CCDC88C: variants seen among roughly 807,000 people sequenced by gnomAD.
The protein encoded by CCDC88C is protein Daple.
Under a neutral mutation model 198.8 loss-of-function variants are expected in CCDC88C, and 131 were observed. The observed-to-expected ratio is 0.66, with a 90% CI of 0.57 to 0.76. The LOEUF (loss-of-function observed/expected upper bound fraction) is 0.76, where lower values mean the gene tolerates loss of function less well. Among genes scored for constraint, CCDC88C ranks in the 30% least tolerant of loss-of-function variants. CCDC88C has a pLI of 0.00. For synonymous variants in CCDC88C, 1,166 were observed against 1,114.7 expected (o/e 1.05, Z -0.92); for missense variants, 2,553 against 2,631.6 (o/e 0.97, Z 0.65).
At chr14:91,351,646 A>T (rs889679309) in intron 4 of CCDC88C, among the ~76,000 whole-genome samples, 1 of 152,044 alleles carries the variant, frequency 6.6e-6, no homozygotes, top group South Asian at 2.1e-4. Flanking sequence ...CCCGGCATTA[A>T]CATAACCAGG....
intron 23 of CCDC88C, among the ~76,000 whole-genome samples, 176 bp downstream of exon 23, chr14:91,293,997 T>C (rs1184253215): frequency 6.6e-6 from 1 of 152,190 alleles, no homozygotes; most frequent in African/African-American, 2.4e-5. Context: ...CTCTAGAAAC[T>C]GAGAACATTC....
intron 3 of CCDC88C, among the ~76,000 whole-genome samples, chr14:91,401,266 TTATA>T (rs943046243): frequency 3.4e-5 from 5 of 144,950 alleles, no homozygotes; most frequent in Admixed American, 7.1e-5. Flanking sequence ...AATATATACA[TTATA>T]TATATTATAT....
At chr14:91,372,030 A>G (rs1393397636) in intron 3 of CCDC88C, among the ~76,000 whole-genome samples, 2 of 152,190 alleles carry the variant, frequency 1.3e-5, no homozygotes, top group Middle Eastern at 3.4e-3. Context: ...TACGAGCACC[A>G]CAGCACAAGG....
At chr14:91,320,089 C>A (rs1183640033) in intron 13 of CCDC88C, among the ~76,000 whole-genome samples, 1 of 145,208 alleles carries the variant, frequency 6.9e-6, no homozygotes, top group South Asian at 2.2e-4. Context: ...TTTCCTGGCA[C>A]AAGTTTCGAA....
chr14:91,350,746 A>G (rs1282549146), intron 4 of CCDC88C, among the ~76,000 whole-genome samples: 7 of 152,064 alleles, frequency 4.6e-5, no homozygotes, highest in Admixed American at 4.6e-4. Flanking sequence ...AGCCAGGCTC[A>G]GGGTTTAACC....
chr14:91,297,301 T>G lies in CCDC88C; in HGVS notation c.3966+4A>C. On this transcript the variant is annotated splice_donor_region_variant and intron_variant, in intron 22 of 29. Transcript: ENST00000389857. ...TCCCGAGGCTCCCCTGGCGCTGGCC[T>G]CACCTCACAGTGGTTGTCCAGCTTG... The G allele has an allele frequency of 6.2e-7, 1 of 1,612,388 alleles. No homozygotes were observed. The highest frequency in any genetic ancestry group is 8.5e-7 in the Non-Finnish European group (1 of 1,179,222).
At chr14:91,368,063 G>A (rs1215519591) in intron 3 of CCDC88C, among the ~76,000 whole-genome samples, 1 of 152,202 alleles carries the variant, frequency 6.6e-6, no homozygotes, top group East Asian at 1.9e-4. Context: ...GCTGCTAATA[G>A]TGACAGTTGG....
chr14:91,339,122 G>C lies in CCDC88C; in HGVS notation c.809+156C>G. The stretch of plus-strand genomic sequence containing the variant: ...CAGGCCTCAGAAGGGGAGGCAGCTA[G>C]TCCGAGGTCAAAGAGTAAGCTCAGG... On this transcript the variant is annotated intron_variant, in intron 8 of 29. Coordinates refer to ENST00000389857, the MANE Select transcript of CCDC88C (RefSeq NM_001080414.4). The surrounding 1 kb of genome is among the most constrained non-coding windows in gnomAD (Gnocchi z 5.8). 1 of 847,388 alleles carries C rather than the reference G, an allele frequency of 1.2e-6. No individual in the cohort carries two copies. Among genetic ancestry groups the C allele is most frequent in the Non-Finnish European group, 1.9e-6 (1 of 517,876 alleles). 52.5% of individuals were successfully genotyped at this position (847,388 alleles called of 1,614,324 possible).
At chr14:91,369,911 G>A (rs546925203) in intron 3 of CCDC88C, among the ~76,000 whole-genome samples, 10 of 152,276 alleles carry the variant, frequency 6.6e-5, no homozygotes, top group African/African-American at 2.2e-4. Context: ...GGACCAACTC[G>A]GCCCGGCCGA....
At chr14:91,283,651 C>A in intron 25 of CCDC88C, 134 bp from the exon 26 acceptor site, 3 of 834,766 alleles carry the variant, frequency 3.6e-6, no homozygotes, top group Non-Finnish European at 5.5e-6. Flanking sequence ...CCACAGCTCT[C>A]GGGCTGCAAC....
At chr14:91,401,472 C>G (rs1313572336) in intron 3 of CCDC88C, among the ~76,000 whole-genome samples, 3 of 151,108 alleles carry the variant, frequency 2.0e-5, no homozygotes. Context: ...GTAGCTGGGA[C>G]TACAGTCGCC....
intron 3 of CCDC88C, among the ~76,000 whole-genome samples, chr14:91,366,757 C>T (rs147224464): frequency 7.9e-5 from 12 of 152,246 alleles, no homozygotes; most frequent in South Asian, 2.1e-4. Context: ...TGAAGGGGGA[C>T]GGGGTCCTGG....
chr14:91,315,549 AT>A, intron 14 of CCDC88C, 100 bp downstream of exon 14: 2 of 1,286,074 alleles, frequency 1.6e-6, no homozygotes, highest in Non-Finnish European at 1.1e-6. Flanking sequence ...GTAACGGATA[AT>A]CCATGCATCC....
rs1401437288 is a variant in CCDC88C, at chr14:91,408,771, G to A, written c.162-4C>T. On this transcript the variant is annotated splice_region_variant and splice_polypyrimidine_tract_variant and intron_variant, in intron 2 of 29. Coordinates refer to ENST00000389857, the MANE Select transcript of CCDC88C (RefSeq NM_001080414.4). The stretch of plus-strand genomic sequence containing the variant: ...TTGATTTGTGGGCCTGGGATCTCTA[G>A]GGGAAGAAACACGAGAATGGAAATT... 9 of 1,602,930 alleles carry A rather than the reference G, an allele frequency of 5.6e-6. No individual in the cohort carries two copies. Among genetic ancestry groups the A allele is most frequent in the Non-Finnish European group, 7.7e-6 (9 of 1,169,988 alleles).
intron 19 of CCDC88C, among the ~76,000 whole-genome samples, chr14:91,305,351 G>A (rs1415251510): frequency 2.0e-5 from 3 of 152,140 alleles, no homozygotes; most frequent in African/African-American, 7.2e-5. Flanking sequence ...TTCCCTCTTA[G>A]AGATTAAAAA....
intron 13 of CCDC88C, among the ~76,000 whole-genome samples, chr14:91,317,759 G>A (rs767187678): frequency 3.0e-4 from 46 of 152,164 alleles, no homozygotes; most frequent in Admixed American, 1.2e-3. Context: ...AGGGCCTCCC[G>A]AGGGCCACGG....
chr14:91,408,329 T>G, intron 3 of CCDC88C: 1 of 269,656 alleles, frequency 3.7e-6, no homozygotes, highest in South Asian at 4.5e-5. Context: ...CACCTCAGGG[T>G]CACCTTCAGG....
chr14:91,416,454 G>C (rs982983405), intron 2 of CCDC88C, among the ~76,000 whole-genome samples: 1 of 151,812 alleles, frequency 6.6e-6, no homozygotes, highest in Non-Finnish European at 1.5e-5. Context: ...CCACAATTAA[G>C]TCCTTGAGTC....
In CCDC88C at chr14:91,284,116, A is replaced by G. The variant is rs1163852453; in HGVS notation, c.4442-599T>C. ...CTACCATGAACATAAACTCTGGTCAAAATTAAATAAAAACATATAAAATCA... is the reference window on the plus strand; with the variant it reads ...CTACCATGAACATAAACTCTGGTCAGAATTAAATAAAAACATATAAAATCA... On this transcript the variant is annotated intron_variant, in intron 25 of 29. Coordinates refer to ENST00000389857, the MANE Select transcript of CCDC88C (RefSeq NM_001080414.4). This position sits in a 1 kb window ranked among gnomAD's most constrained non-coding sequence, Gnocchi z 4.1. 6.6e-6 allele frequency among the ~76,000 whole-genome samples: 1 copy of G among 152,230 alleles called. No homozygotes were observed. Among genetic ancestry groups the G allele is most frequent in the African/African-American group, 2.4e-5 (1 of 41,460 alleles).
Sources: gnomAD v4.1 joint callset for allele counts (sites outside exome capture counted in the v4.1 genomes callset) on GRCh38, gnomAD v4.1.1 for gene constraint, Gnocchi (gnomAD v3.1) non-coding constraint, MANE v1.5 for transcripts, NCBI Gene and HGNC (gene_info 2026-07-23, HGNC 2026-07-21) for gene names.